ARHGAP15: variants seen among roughly 807,000 people sequenced by gnomAD.
ARHGAP15 encodes the protein Rho GTPase activating protein 15, also known as rho GTPase-activating protein 15.
Under a neutral mutation model 63.7 loss-of-function variants are expected in ARHGAP15, and 51 were observed. The ratio of observed to expected loss-of-function variants is 0.80; its 90% CI spans 0.64 to 1.01. The LOEUF (loss-of-function observed/expected upper bound fraction) is 1.01, where lower values mean the gene tolerates loss of function less well. ARHGAP15 is among the 50% of genes least tolerant of loss of function. The pLI is 0.00. For missense variants in ARHGAP15, 560 were observed against 564.6 expected (o/e 0.99, Z 0.08); for synonymous variants, 191 against 193.8 (o/e 0.99, Z 0.12).
At chr2:143,251,378 T>G (rs1680152380) in intron 6 of ARHGAP15, among the ~76,000 whole-genome samples, 1 of 152,030 alleles carries the variant, frequency 6.6e-6, no homozygotes, top group African/African-American at 2.4e-5. Flanking sequence ...TTTTTTAAAT[T>G]AAATGTCTTC....
intron 6 of ARHGAP15, among the ~76,000 whole-genome samples, chr2:143,302,885 TATA>T (rs1447543287): frequency 1.3e-5 from 2 of 151,976 alleles, no homozygotes; most frequent in Non-Finnish European, 2.9e-5. Context: ...TGAAGATAAA[TATA>T]ATAATTCTGC....
chr2:143,137,533 G>T (rs546559236), intron 1 of ARHGAP15, among the ~76,000 whole-genome samples: 1 of 151,972 alleles, frequency 6.6e-6, no homozygotes, highest in South Asian at 2.1e-4. Context: ...TGAAAGGTTG[G>T]GTTTGAATTC....
intron 6 of ARHGAP15, among the ~76,000 whole-genome samples, chr2:143,340,841 CT>C (rs1406686723): frequency 6.6e-6 from 1 of 152,018 alleles, no homozygotes; most frequent in Admixed American, 6.6e-5. Flanking sequence ...AAATATTTTT[CT>C]TTTTCTGTTT....
At chr2:143,576,476 G>T (rs979801716) in intron 11 of ARHGAP15, among the ~76,000 whole-genome samples, 9 of 152,072 alleles carry the variant, frequency 5.9e-5, no homozygotes, top group Non-Finnish European at 1.3e-4. Flanking sequence ...AAAACCAAGT[G>T]CCTGAATATG....
At chr2:143,206,647 A>G (rs1396897242) in intron 3 of ARHGAP15, among the ~76,000 whole-genome samples, 1 of 152,034 alleles carries the variant, frequency 6.6e-6, no homozygotes, top group Non-Finnish European at 1.5e-5. Context: ...GCTATAAGCT[A>G]TTTGAAGGGA....
At chr2:143,556,375 G>T in intron 10 of ARHGAP15, 33 bp from the exon 11 acceptor site, 1 of 1,507,252 alleles carries the variant, frequency 6.6e-7, no homozygotes. Context: ...ATTCCTATAT[G>T]TGCTAATATA....
chr2:143,153,113 C>T (rs1305255463), intron 1 of ARHGAP15, among the ~76,000 whole-genome samples: 1 of 151,842 alleles, frequency 6.6e-6, no homozygotes, highest in African/African-American at 2.4e-5. Flanking sequence ...TGATTTGACA[C>T]TGAAATTTGT....
At chr2:143,309,035 G>T (rs977852922) in intron 6 of ARHGAP15, among the ~76,000 whole-genome samples, 6 of 147,668 alleles carry the variant, frequency 4.1e-5, no homozygotes, top group African/African-American at 1.5e-4. Context: ...ATTGTTCTTT[G>T]TGTGTTAGTG....
intron 2 of ARHGAP15, among the ~76,000 whole-genome samples, chr2:143,167,228 T>C (rs184798734): frequency 4.6e-5 from 7 of 152,262 alleles, no homozygotes; most frequent in Admixed American, 4.6e-4. Flanking sequence ...TTGTACATGA[T>C]CTAATTATAA....
At chr2:143,365,489 A>G (rs935545476) in intron 6 of ARHGAP15, among the ~76,000 whole-genome samples, 1 of 152,160 alleles carries the variant, frequency 6.6e-6, no homozygotes, top group African/African-American at 2.4e-5. Flanking sequence ...CATTGCCGTA[A>G]TTGTCAGGCA....
At chr2:143,751,021 A>G (rs1003893563) in intron 13 of ARHGAP15, among the ~76,000 whole-genome samples, 2 of 152,154 alleles carry the variant, frequency 1.3e-5, no homozygotes, top group East Asian at 3.9e-4. Flanking sequence ...CTCTATTTCT[A>G]TTGGAACTTC....
At chr2:143,135,669 G>A (rs568221226) in intron 1 of ARHGAP15, among the ~76,000 whole-genome samples, 1 of 151,886 alleles carries the variant, frequency 6.6e-6, no homozygotes, top group African/African-American at 2.4e-5. Flanking sequence ...TGATGCTATC[G>A]AACCCTCCTT....
intron 12 of ARHGAP15, among the ~76,000 whole-genome samples, chr2:143,657,327 A>G (rs1480930329): frequency 6.6e-6 from 1 of 152,168 alleles, no homozygotes; most frequent in East Asian, 1.9e-4. Context: ...AGCCTGGGCA[A>G]CAGAGTGAGG....
intron 11 of ARHGAP15, among the ~76,000 whole-genome samples, chr2:143,621,640 T>A (rs1039795586): frequency 6.6e-6 from 1 of 152,206 alleles, no homozygotes; most frequent in African/African-American, 2.4e-5. Flanking sequence ...TTTCTTTAAA[T>A]GGAAACTACA....
intron 2 of ARHGAP15, among the ~76,000 whole-genome samples, chr2:143,166,222 G>A (rs1418669753): frequency 6.6e-6 from 1 of 151,962 alleles, no homozygotes; most frequent in South Asian, 2.1e-4. Flanking sequence ...TTTCACCCTA[G>A]TGTCCTCTAA....
chr2:143,710,525 G>A (rs550847059), intron 13 of ARHGAP15, among the ~76,000 whole-genome samples: 22 of 152,330 alleles, frequency 1.4e-4, no homozygotes, highest in East Asian at 1.4e-3. Context: ...AAGGCTGTGG[G>A]AGATAAGGTT....
chr2:143,392,397 T>G (rs1440868715), intron 6 of ARHGAP15, among the ~76,000 whole-genome samples: 1 of 152,208 alleles, frequency 6.6e-6, no homozygotes, highest in Non-Finnish European at 1.5e-5. Flanking sequence ...GTATTGAAAT[T>G]ATATCTTCTG....
At chr2:143,155,731 G>C in intron 2 of ARHGAP15, 76 bp downstream of exon 2, 2 of 1,415,764 alleles carry the variant, frequency 1.4e-6, no homozygotes, top group Admixed American at 5.1e-5. Flanking sequence ...AAGCTAATTA[G>C]TCTTGTTTTA....
chr2:143,582,215 G>T (rs577937039), intron 11 of ARHGAP15, among the ~76,000 whole-genome samples: 1 of 152,158 alleles, frequency 6.6e-6, no homozygotes, highest in African/African-American at 2.4e-5. Flanking sequence ...TGAGGCAAAA[G>T]GGTGTGTTTT....
Sources: allele counts gnomAD v4.1 joint callset (sites outside exome capture counted in the v4.1 genomes callset), GRCh38; gene constraint gnomAD v4.1.1; transcripts MANE v1.5; gene names NCBI Gene and HGNC (gene_info 2026-07-23, HGNC 2026-07-21).